The following SPAG16 variants were observed in gnomAD, a reference collection of about 807,000 sequenced individuals.
The protein encoded by SPAG16 is sperm associated antigen 16.
In SPAG16, 86 loss-of-function variants were observed where a neutral mutation model predicts 80.4. The ratio of observed to expected loss-of-function variants is 1.07; its 90% confidence interval spans 0.90 to 1.28. The LOEUF (loss-of-function observed/expected upper bound fraction) is 1.28. Ranked by LOEUF, SPAG16 falls within the 50% of genes most tolerant of loss-of-function variation. SPAG16 has a pLI of 0.00. For synonymous variants in SPAG16, 294 were observed against 265.9 expected (o/e 1.11, Z -1.03); for missense variants, 870 against 765.3 (o/e 1.14, Z -1.61).
rs1387072128 is a variant in SPAG16, at chr2:213,765,620, AC to A, written c.1071-96864del. Among the ~76,000 whole-genome samples, 29 of 151,524 alleles carry A rather than the reference AC, an allele frequency of 1.9e-4. 1 individual carries two copies. In the East Asian group the frequency reaches 5.0e-3, roughly 26 times the overall value. The stretch of plus-strand genomic sequence containing the variant: ...GTGTGTGTGTGTGTGTGTGTTATTT[AC>A]TTGTTTCTTCTATCTCAAATTCTTC... On this transcript the variant is annotated intron_variant, in intron 10 of 15. Coordinates refer to ENST00000331683, the MANE Select transcript of SPAG16 (RefSeq NM_024532.5).
intron 10 of SPAG16, among the ~76,000 whole-genome samples, chr2:213,730,356 CAGT>C (rs1386757308): frequency 6.6e-6 from 1 of 152,158 alleles, no homozygotes; most frequent in Non-Finnish European, 1.5e-5. Flanking sequence ...ATAGGGAAAT[CAGT>C]AGCATATTTT....
intron 10 of SPAG16, among the ~76,000 whole-genome samples, chr2:213,741,966 T>G (rs1038638786): frequency 6.6e-6 from 1 of 152,142 alleles, no homozygotes; most frequent in Non-Finnish European, 1.5e-5. Flanking sequence ...AACCTTTCTG[T>G]GTAATTGTGT....
At chr2:213,453,852 T>G (rs1490571154) in intron 9 of SPAG16, among the ~76,000 whole-genome samples, 1 of 152,210 alleles carries the variant, frequency 6.6e-6, no homozygotes, top group Non-Finnish European at 1.5e-5. Flanking sequence ...GGTAGATTTT[T>G]TTATGTTGTT....
chr2:213,845,543 C>T (rs2074580934), intron 10 of SPAG16, among the ~76,000 whole-genome samples: 2 of 152,084 alleles, frequency 1.3e-5, no homozygotes, highest in South Asian at 4.1e-4. Context: ...AAGTTCAAAG[C>T]AATATGTACA....
intron 15 of SPAG16, among the ~76,000 whole-genome samples, chr2:214,311,280 T>C (rs1695294471): frequency 6.6e-6 from 1 of 152,166 alleles, no homozygotes; most frequent in Admixed American, 6.5e-5. Flanking sequence ...GATGGACCTC[T>C]GTAGTTGCCA....
At position 213,511,507 on chromosome 2, in the gene SPAG16, G is replaced by A. The variant is rs1575794375; in HGVS notation, c.1070+21417G>A. On this transcript the variant is annotated intron_variant, in intron 10 of 15. Coordinates refer to ENST00000331683, the MANE Select transcript of SPAG16 (RefSeq NM_024532.5). ...ATTCAATTTAAGAAAATAAATGTTA[G>A]ATTTTTCTATAGCATAATTATTATT... is the stretch of plus-strand genomic sequence containing the variant. Among the ~76,000 whole-genome samples the A allele has an allele frequency of 2.0e-5, 3 of 151,986 alleles. No homozygotes were observed. The South Asian group carries it at 6.2e-4, about 32-fold the overall frequency.
At chr2:214,266,071 G>A (rs1012150163) in intron 15 of SPAG16, among the ~76,000 whole-genome samples, 1 of 151,788 alleles carries the variant, frequency 6.6e-6, no homozygotes, top group Admixed American at 6.6e-5. Context: ...ATTATTTAGT[G>A]AATAAATGAA....
chr2:213,409,961 G>A (rs557097661), intron 9 of SPAG16, among the ~76,000 whole-genome samples: 3 of 151,842 alleles, frequency 2.0e-5, no homozygotes, highest in South Asian at 4.2e-4. Context: ...TAGAATTTCC[G>A]GTAAACGGGA....
intron 15 of SPAG16, among the ~76,000 whole-genome samples, chr2:214,243,626 CTATA>C (rs1394845278): frequency 1.3e-5 from 2 of 151,890 alleles, no homozygotes; most frequent in African/African-American, 4.8e-5. Context: ...TAGTTTAAGA[CTATA>C]TATCACTTCT....
chr2:213,360,329 C>T (rs1368697720), intron 7 of SPAG16, among the ~76,000 whole-genome samples: 1 of 152,178 alleles, frequency 6.6e-6, no homozygotes, highest in African/African-American at 2.4e-5. Context: ...CAATGCAAGT[C>T]CTAGTTATAG....
chr2:214,264,232 G>C (rs1211002022), intron 15 of SPAG16, among the ~76,000 whole-genome samples: 1 of 152,028 alleles, frequency 6.6e-6, no homozygotes, highest in African/African-American at 2.4e-5. Flanking sequence ...ATAAGACCAA[G>C]AATATTTTTC....
At chr2:214,110,067 A>G (rs971924224) in intron 14 of SPAG16, among the ~76,000 whole-genome samples, 1 of 152,208 alleles carries the variant, frequency 6.6e-6, no homozygotes, top group African/African-American at 2.4e-5. Context: ...CAAGAGAGAC[A>G]TACATTAATT....
intron 4 of SPAG16, among the ~76,000 whole-genome samples, chr2:213,310,855 A>G (rs558678945): frequency 4.6e-5 from 7 of 151,928 alleles, no homozygotes; most frequent in Admixed American, 3.9e-4. Context: ...ATGATTAGCT[A>G]TGAAAATGTA....
At position 213,489,952 on chromosome 2, in the gene SPAG16, T is replaced by A. The variant is rs750014829; in HGVS notation, c.943-11T>A. ...TTTAACACAGAGCTCTTGTTTAATT[T>A]TTTTCTCTAGGATTCAGAATTTCCC... On this transcript the variant is annotated splice_polypyrimidine_tract_variant and intron_variant, in intron 9 of 15. Transcript: ENST00000331683. 10 of 1,590,258 alleles carry A rather than the reference T, an allele frequency of 6.3e-6. No individual in the cohort carries two copies. Among genetic ancestry groups the A allele is most frequent in the Non-Finnish European group, 8.5e-7 (1 of 1,170,682 alleles).
intron 12 of SPAG16, among the ~76,000 whole-genome samples, chr2:213,997,178 C>T (rs763329484): frequency 2.0e-4 from 30 of 152,202 alleles, no homozygotes; most frequent in Non-Finnish European, 3.5e-4. Context: ...ACTTTCCCTC[C>T]AAATATTCCT....
chr2:213,711,157 G>T (rs1172214663), intron 10 of SPAG16, among the ~76,000 whole-genome samples: 1 of 152,010 alleles, frequency 6.6e-6, no homozygotes. Context: ...AATTAGCATG[G>T]TCCAGTCATC....
In SPAG16 at chr2:214,365,842, A is replaced by G. The variant is rs563909474; in HGVS notation, c.1721-44298A>G. On this transcript the variant is annotated intron_variant, in intron 15 of 15. Transcript: ENST00000331683. ...TACAAGTGACAGTCTGACATATTCT[A>G]TTATCAAATTCTAAGTAGCCTTGAT... 2.4e-3 allele frequency among the ~76,000 whole-genome samples: 368 copies of G among 152,276 alleles called. 1 individual carries two copies. The highest frequency in any genetic ancestry group is 4.2e-3 in the Non-Finnish European group (284 of 68,014).
chr2:214,006,104 A>C (rs996671880), intron 12 of SPAG16, among the ~76,000 whole-genome samples: 1 of 151,976 alleles, frequency 6.6e-6, no homozygotes. Context: ...GAAAACACGG[A>C]TAGATATTTT....
intron 15 of SPAG16, among the ~76,000 whole-genome samples, chr2:214,392,424 G>A (rs1187524993): frequency 3.3e-5 from 5 of 152,002 alleles, no homozygotes; most frequent in Admixed American, 3.3e-4. Flanking sequence ...CCAAAGGCTG[G>A]GATTACAAGC....
Sources: allele counts gnomAD v4.1 joint callset (sites outside exome capture counted in the v4.1 genomes callset), GRCh38; gene constraint gnomAD v4.1.1; transcripts MANE v1.5; gene names NCBI Gene and HGNC (gene_info 2026-07-23, HGNC 2026-07-21).